The following KCNMA1 variants were observed in gnomAD, a reference collection of about 807,000 sequenced individuals.
The protein encoded by KCNMA1 is Calcium-activated potassium channel subunit alpha-1.
A neutral mutation model predicts 140.0 loss-of-function variants in KCNMA1; 29 were observed. That is an observed-to-expected ratio of 0.21 (90% CI 0.15 to 0.28). KCNMA1 has a LOEUF of 0.28. Ranked by LOEUF, KCNMA1 falls within the 10% of genes least tolerant of loss-of-function variation. KCNMA1 has a pLI of 1.00. For synonymous variants in KCNMA1, 612 were observed against 611.9 expected (o/e 1.00, Z 0.00); for missense variants, 880 against 1,602.2 (o/e 0.55, Z 7.70).
chr10:76,901,585 A>G (rs933728756), intron 25 of KCNMA1: 2 of 152,202 alleles, frequency 1.3e-5, no homozygotes, highest in African/African-American at 4.8e-5. Context: ...TTGAGCACCT[A>G]CTAATCGTTG....
At chr10:77,297,691 C>T (rs747209089) in intron 2 of KCNMA1, among the ~76,000 whole-genome samples, 9 of 152,258 alleles carry the variant, frequency 5.9e-5, no homozygotes, top group East Asian at 5.8e-4. Context: ...ATAAAGGAGA[C>T]GACCTCTACC....
intron 2 of KCNMA1, among the ~76,000 whole-genome samples, chr10:77,367,611 A>C (rs1317012772): frequency 1.3e-5 from 2 of 152,192 alleles, no homozygotes; most frequent in Non-Finnish European, 2.9e-5. Context: ...AAGTTCTACG[A>C]ATGTTAGTAT....
At chr10:77,601,608 G>C (rs563671922) in intron 1 of KCNMA1, among the ~76,000 whole-genome samples, 1 of 152,282 alleles carries the variant, frequency 6.6e-6, no homozygotes, top group East Asian at 1.9e-4. Flanking sequence ...GGACAAAGTA[G>C]CTTCTGCATT....
intron 1 of KCNMA1, among the ~76,000 whole-genome samples, chr10:77,504,119 C>T (rs1392320964): frequency 6.6e-6 from 1 of 152,176 alleles, no homozygotes; most frequent in Non-Finnish European, 1.5e-5. Flanking sequence ...TGGTTATCTG[C>T]CTGCCTGGCA....
intron 3 of KCNMA1, among the ~76,000 whole-genome samples, chr10:77,195,849 T>C (rs980442578): frequency 6.6e-6 from 1 of 152,074 alleles, no homozygotes; most frequent in Non-Finnish European, 1.5e-5. Context: ...CTCGGGAGGC[T>C]GAGGCAGGAG....
At chr10:77,634,635 G>A (rs901633702) in intron 1 of KCNMA1, 11 of 985,338 alleles carry the variant, frequency 1.1e-5, no homozygotes, top group Non-Finnish European at 1.3e-5. Context: ...CTGAGGGCTG[G>A]TAGAATTTTC....
intron 5 of KCNMA1, among the ~76,000 whole-genome samples, chr10:77,144,613 G>T (rs566924445): frequency 1.3e-5 from 2 of 152,276 alleles, no homozygotes; most frequent in African/African-American, 4.8e-5. Flanking sequence ...ATTGAGATGG[G>T]CTGCCATGTT....
At chr10:76,966,399 T>A (rs3781150) in intron 20 of KCNMA1, among the ~76,000 whole-genome samples, 67,723 of 151,956 alleles carry the variant, frequency 0.45, 15,378 homozygotes, top group East Asian at 0.62. Flanking sequence ...GGATCCTGAA[T>A]GGAGATTTCA....
chr10:77,227,628 A>T (rs1323782395), intron 3 of KCNMA1, among the ~76,000 whole-genome samples: 1 of 152,238 alleles, frequency 6.6e-6, no homozygotes. Flanking sequence ...CTCTGTCATT[A>T]TCAGGGGTCT....
chr10:76,975,638 C>T (rs996121802), intron 19 of KCNMA1, among the ~76,000 whole-genome samples: 9 of 152,090 alleles, frequency 5.9e-5, no homozygotes, highest in African/African-American at 2.2e-4. Context: ...AAGTTCTACG[C>T]CCAGAGAGTA....
At chr10:77,349,200 T>C (rs2154383895) in intron 2 of KCNMA1, among the ~76,000 whole-genome samples, 2 of 152,314 alleles carry the variant, frequency 1.3e-5, no homozygotes, top group Middle Eastern at 3.4e-3. Flanking sequence ...AGAGCTCTCA[T>C]GAATGAGATT....
chr10:77,384,297 TAATA>T (rs1320435004), intron 2 of KCNMA1, among the ~76,000 whole-genome samples: 2 of 152,140 alleles, frequency 1.3e-5, no homozygotes, highest in African/African-American at 4.8e-5. Flanking sequence ...GTTGGACCAA[TAATA>T]AATAAACACA....
At chr10:76,932,538 T>C (rs1282170949) in intron 23 of KCNMA1, among the ~76,000 whole-genome samples, 4 of 152,180 alleles carry the variant, frequency 2.6e-5, no homozygotes, top group African/African-American at 7.2e-5. Context: ...GCCTTTGATG[T>C]TTAATAACCT....
At chr10:77,436,449 G>T (rs2097264053) in intron 1 of KCNMA1, among the ~76,000 whole-genome samples, 1 of 152,242 alleles carries the variant, frequency 6.6e-6, no homozygotes, top group African/African-American at 2.4e-5. Context: ...TTTGGCAGGA[G>T]TGCAAGCACT....
intron 2 of KCNMA1, among the ~76,000 whole-genome samples, chr10:77,380,710 C>T (rs1029816802): frequency 3.9e-5 from 6 of 152,180 alleles, no homozygotes; most frequent in African/African-American, 7.2e-5. Flanking sequence ...TGAATGATCA[C>T]GCCTGACTTC....
chr10:77,239,580 G>A (rs1292257882), intron 3 of KCNMA1, among the ~76,000 whole-genome samples: 1 of 152,206 alleles, frequency 6.6e-6, no homozygotes, highest in Non-Finnish European at 1.5e-5. Flanking sequence ...GGTGGTGTGA[G>A]TGTCTTCCAC....
At chr10:77,301,320 T>C (rs972857275) in intron 2 of KCNMA1, among the ~76,000 whole-genome samples, 7 of 152,230 alleles carry the variant, frequency 4.6e-5, no homozygotes, top group Non-Finnish European at 7.3e-5. Context: ...TTGAACTTTG[T>C]AGAAATCTTT....
rs1178690854 is a variant in KCNMA1, at chr10:76,885,046, T to C, written c.*2220A>G. ...TAGAGAGAGAAGTAAGCTATGTGAG[T>C]TTTACAATGCTTTTAAACTGTCATA... is the stretch of plus-strand genomic sequence containing the variant. On this transcript the variant is annotated 3_prime_UTR_variant, in exon 28 of 28. Coordinates refer to ENST00000286628, the MANE Select transcript of KCNMA1 (RefSeq NM_001161352.2). The C allele has an allele frequency of 6.5e-7, 1 of 1,547,596 alleles. No homozygotes were observed. The highest frequency in any genetic ancestry group is 8.7e-7 in the Non-Finnish European group (1 of 1,145,656).
Position 77,568,733 on chromosome 10 carries a change from A to G in KCNMA1, c.378+68532T>C, listed in dbSNP as rs1247795013. On this transcript the variant is annotated intron_variant, in intron 1 of 27. Transcript: ENST00000286628. ...CAACATAGTGTTGGAAGTTCTGGCC[A>G]GGGCAATTAGGCAGGAGAAGGAAAT... 2.3e-3 allele frequency among the ~76,000 whole-genome samples: 351 copies of G among 149,976 alleles called. 7 individuals are homozygous for G. In the South Asian group the frequency reaches 0.025, roughly 11 times the overall value.
Sources: allele counts gnomAD v4.1 joint callset (sites outside exome capture counted in the v4.1 genomes callset), GRCh38; gene constraint gnomAD v4.1.1; transcripts MANE v1.5; gene names NCBI Gene and HGNC (gene_info 2026-07-23, HGNC 2026-07-21).